The following PSMD13 variants were observed in gnomAD, a reference collection of about 807,000 sequenced individuals.
PSMD13 encodes 26S proteasome non-ATPase regulatory subunit 13.
In PSMD13, 8 loss-of-function variants were observed where a neutral mutation model predicts 57.4. The ratio of observed to expected loss-of-function variants is 0.14; its 90% CI spans 0.08 to 0.25. The LOEUF is 0.25. Ranked by LOEUF, PSMD13 falls within the 10% of genes least tolerant of loss-of-function variation. The probability of loss-of-function intolerance (pLI) is 1.00; values close to 1 mark genes in which losing one functional copy is unlikely to be tolerated. For synonymous variants in PSMD13, 193 were observed against 168.2 expected, an observed-to-expected ratio of 1.15 and a Z score of -1.14; for missense variants, 400 against 461.5, an observed-to-expected ratio of 0.87 and a Z score of 1.22.
At chr11:246,087 G>GT (rs1339939445) in intron 6 of PSMD13, among the ~76,000 whole-genome samples, 1 of 152,108 alleles carries the variant, frequency 6.6e-6, no homozygotes, top group Non-Finnish European at 1.5e-5. Flanking sequence ...TAACTCAAGC[G>GT]TTTTAACATT....
Position 252,917 on chromosome 11 carries a change from C to T in PSMD13, c.*317C>T, listed in dbSNP as rs1859798368. 2 of 275,244 alleles carry T rather than the reference C, an allele frequency of 7.3e-6. No homozygotes were observed. The highest frequency in any genetic ancestry group is 1.2e-3 in the Middle Eastern group (1 of 802). 17.1% of individuals were successfully genotyped at this position (275,244 alleles called of 1,614,324 possible). A position where few individuals can be genotyped will look rare whatever the true frequency, so the allele number is the denominator to read the frequency against. On this transcript the variant is annotated 3_prime_UTR_variant, in exon 13 of 13. Coordinates refer to ENST00000532097, the MANE Select transcript of PSMD13 (RefSeq NM_002817.4). This position sits in a 1 kb window ranked among gnomAD's most constrained non-coding sequence, Gnocchi z 4.1. ...CGAGGTGGATCTCCATCCCCATCCA[C>T]CTGTACGGACATCTTTTCCGTTGCG... is the stretch of plus-strand genomic sequence containing the variant.
Position 252,109 on chromosome 11 carries a change from C to A in PSMD13, c.1035+173C>A. 1.6e-6 allele frequency: 1 copy of A among 633,226 alleles called. No individual in the cohort carries two copies. Among genetic ancestry groups the A allele is most frequent in the Non-Finnish European group, 2.8e-6 (1 of 361,224 alleles). 39.2% of individuals were successfully genotyped at this position (633,226 alleles called of 1,614,324 possible). A position where few individuals can be genotyped will look rare whatever the true frequency, so the allele number is the denominator to read the frequency against. ...TTCTAAGAGCCTAATTTAATGCAAG[C>A]CTAGGGTTTGAACCCTGCATTTAAA... On this transcript the variant is annotated intron_variant, in intron 12 of 12. Coordinates refer to ENST00000532097, the MANE Select transcript of PSMD13 (RefSeq NM_002817.4). The surrounding 1 kb of genome is among the most constrained non-coding windows in gnomAD (Gnocchi z 4.1).
intron 2 of PSMD13, among the ~76,000 whole-genome samples, chr11:242,558 C>T (rs1859537228): frequency 8.6e-6 from 1 of 115,748 alleles, no homozygotes; most frequent in Non-Finnish European, 1.7e-5. Context: ...AAAAAAACTG[C>T]GTTGAATGTC....
intron 5 of PSMD13, 67 bp from the exon 6 acceptor site, chr11:244,608 G>GCTA (rs531516426): frequency 1.3e-6 from 2 of 1,534,198 alleles, no homozygotes; most frequent in South Asian, 2.3e-5. Flanking sequence ...TGTACAAGTA[G>GCTA]CTAGCTTCCT....
chr11:237,010 A>G lies in PSMD13; in HGVS notation c.-40A>G, dbSNP rs765740237. 32 of 1,533,884 alleles carry G rather than the reference A, an allele frequency of 2.1e-5. No individual in the cohort carries two copies. Among genetic ancestry groups the G allele is most frequent in the Non-Finnish European group, 2.8e-5 (31 of 1,108,876 alleles). On this transcript the variant is annotated 5_prime_UTR_variant, in exon 1 of 13. Transcript: ENST00000532097. Reference sequence around the variant, plus strand: ...CGGCAGCCATCCCCGCGGTGCTGACATCCCGGTTGTTCTTCTGTGCCGGGG... The same window carrying G: ...CGGCAGCCATCCCCGCGGTGCTGACGTCCCGGTTGTTCTTCTGTGCCGGGG...
Position 237,176 on chromosome 11 carries a change from G to A in PSMD13, c.95+32G>A, listed in dbSNP as rs552990195. 87 of 1,581,558 alleles carry A rather than the reference G, an allele frequency of 5.5e-5. 1 individual carries two copies. The South Asian group carries it at 8.2e-4, about 15-fold the overall frequency. ...GCCGAGCAGACGGGCCCTGGGCCCCGGCGATAGAGGGAGACGGAGGGGGCA... is the reference window on the plus strand; with the variant it reads ...GCCGAGCAGACGGGCCCTGGGCCCCAGCGATAGAGGGAGACGGAGGGGGCA... On this transcript the variant is annotated intron_variant, in intron 1 of 12. Coordinates refer to ENST00000532097, the MANE Select transcript of PSMD13 (RefSeq NM_002817.4).
At position 237,124 on chromosome 11, in the gene PSMD13, G is replaced by T; in HGVS notation, c.75G>T (p.Leu25=). The T allele has an allele frequency of 6.2e-7, 1 of 1,610,290 alleles. No individual in the cohort carries two copies. Among genetic ancestry groups the T allele is most frequent in the Non-Finnish European group, 8.5e-7 (1 of 1,178,328 alleles). The change falls in exon 1 of 13, where the codon CTG becomes CTT. Residue 25 remains leucine (L), a synonymous_variant. Coordinates refer to ENST00000532097, the MANE Select transcript of PSMD13 (RefSeq NM_002817.4). ...GGCAGCCCGCTGTGTGGCACCGTCT[G>T]GAGGAGCTCTACACGAAGAAGTGAG... ...GPGQPAVWHR[L]EELYTKKLWH...
At chr11:250,720 A>G (rs981414781) in intron 9 of PSMD13, 83 bp from the exon 10 acceptor site, 38 of 1,314,282 alleles carry the variant, frequency 2.9e-5, no homozygotes, top group Middle Eastern at 1.8e-4. Flanking sequence ...GTCTACTGTT[A>G]TAGAACGAAT....
intron 9 of PSMD13, among the ~76,000 whole-genome samples, chr11:250,051 C>T (rs1859740484): frequency 6.6e-6 from 1 of 151,510 alleles, no homozygotes; most frequent in Admixed American, 6.6e-5. Context: ...AAAAAAAAAT[C>T]GTAGATGCAT....
At chr11:244,900 G>C in intron 6 of PSMD13, 139 bp downstream of exon 6, 2 of 523,312 alleles carry the variant, frequency 3.8e-6, no homozygotes, top group East Asian at 4.0e-5. Flanking sequence ...ATAACACAAA[G>C]AACTACTATA....
chr11:243,901 C>T (rs1196948934), intron 2 of PSMD13, 140 bp from the exon 3 acceptor site: 21 of 734,300 alleles, frequency 2.9e-5, no homozygotes, highest in Non-Finnish European at 4.5e-5. Context: ...GCATTGCTTA[C>T]TGTGTGCTGG....
At chr11:243,468 C>T in intron 2 of PSMD13, 1 of 305,488 alleles carries the variant, frequency 3.3e-6, no homozygotes, top group Non-Finnish European at 6.5e-6. Context: ...ATGAGTAGGA[C>T]AGATACAAAT....
Position 237,109 on chromosome 11 carries a change from T to A in PSMD13, c.60T>A (p.Ala20=). Reference sequence around the variant, plus strand: ...AGAACTCCGGGCCCGGGCAGCCCGCTGTGTGGCACCGTCTGGAGGAGCTCT... The same window carrying A: ...AGAACTCCGGGCCCGGGCAGCCCGCAGTGTGGCACCGTCTGGAGGAGCTCT... ...QSQNSGPGQP[A]VWHRLEELYT... Residue 20 remains alanine, a synonymous_variant, in exon 1 of 13, where the codon GCT becomes GCA. Transcript: ENST00000532097. The A allele has an allele frequency of 1.2e-6, 2 of 1,613,654 alleles. No homozygotes were observed. The highest frequency in any genetic ancestry group is 1.7e-6 in the Non-Finnish European group (2 of 1,179,786).
At chr11:244,540 T>C (rs1013697384) in intron 5 of PSMD13, 71 bp downstream of exon 5, 5 of 1,544,788 alleles carry the variant, frequency 3.2e-6, no homozygotes, top group Non-Finnish European at 3.6e-6. Context: ...CTTGTGTTCA[T>C]GCTCACTGTC....
At chr11:248,595 T>G (rs910375893) in intron 7 of PSMD13, 181 bp from the exon 8 acceptor site, 17 of 622,076 alleles carry the variant, frequency 2.7e-5, no homozygotes, top group Non-Finnish European at 4.8e-5. Context: ...CCCATGTATA[T>G]ATGGTTCTTG....
chr11:244,484 T>C lies in PSMD13; in HGVS notation c.309+15T>C. ...CTCGTGAGAAGGTAAATGTGGCATG[T>C]GGGCAATACCTTTTAGTACCTTTTA... is the stretch of plus-strand genomic sequence containing the variant. On this transcript the variant is annotated intron_variant, in intron 5 of 12. Transcript: ENST00000532097. 1 of 1,515,710 alleles carries C rather than the reference T, an allele frequency of 6.6e-7. No individual in the cohort carries two copies. Among genetic ancestry groups the C allele is most frequent in the Non-Finnish European group, 8.8e-7 (1 of 1,137,420 alleles). 93.9% of individuals were successfully genotyped at this position (1,515,710 alleles called of 1,614,324 possible).
At chr11:250,729 A>G in intron 9 of PSMD13, 74 bp from the exon 10 acceptor site, 1 of 1,420,256 alleles carries the variant, frequency 7.0e-7, no homozygotes, top group Non-Finnish European at 9.9e-7. Flanking sequence ...TATAGAACGA[A>G]TTCCAGATCC....
At chr11:248,079 C>G (rs1670892486) in intron 7 of PSMD13, 1 of 151,950 alleles carries the variant, frequency 6.6e-6, no homozygotes, top group South Asian at 2.1e-4. Context: ...GCCCACCCCT[C>G]TGCTGCAGAA....
At chr11:239,172 A>G in intron 2 of PSMD13, 96 bp downstream of exon 2, 1 of 1,186,278 alleles carries the variant, frequency 8.4e-7, no homozygotes, top group Non-Finnish European at 1.3e-6. Flanking sequence ...AATAAGCTCC[A>G]ATATTCAGCA....
Sources: allele counts gnomAD v4.1 joint callset (sites outside exome capture counted in the v4.1 genomes callset), GRCh38; gene constraint gnomAD v4.1.1; non-coding constraint Gnocchi (gnomAD v3.1); transcripts MANE v1.5; gene names NCBI Gene and HGNC (gene_info 2026-07-23, HGNC 2026-07-21).